HCN3: variants seen among roughly 807,000 people sequenced by gnomAD.
HCN3 encodes the protein potassium/sodium hyperpolarization-activated cyclic nucleotide-gated channel 3.
In HCN3, 36 loss-of-function variants were observed where a neutral mutation model predicts 56.8. The observed-to-expected ratio is 0.63, with a 90% CI of 0.49 to 0.84. The LOEUF is 0.84. Ranked by LOEUF, HCN3 falls within the 40% of genes least tolerant of loss-of-function variation. HCN3 has a pLI of 0.00. For synonymous variants in HCN3, 425 were observed against 439.7 expected (o/e 0.97, Z 0.42); for missense variants, 930 against 1,079.3 (o/e 0.86, Z 1.94).
rs1674193732 is a variant in HCN3, at chr1:155,284,395, C to A, written c.871-144C>A. 3.9e-6 allele frequency: 4 copies of A among 1,014,378 alleles called. No homozygotes were observed. Among genetic ancestry groups the A allele is most frequent in the Non-Finnish European group, 5.6e-6 (4 of 712,172 alleles). The allele number at this position is 1,014,378 out of a possible 1,614,324, so 62.8% of individuals were successfully genotyped here. ...AGAGGACCCTTTTGCCTCAGGGCCC[C>A]CCAGAACCAAACTTAAGTGCCTGCC... On this transcript the variant is annotated intron_variant, in intron 3 of 7. Transcript: ENST00000368358. This position sits in a 1 kb window ranked among gnomAD's most constrained non-coding sequence, Gnocchi z 4.3.
chr1:155,280,894 A>G (rs1243386831), intron 1 of HCN3, among the ~76,000 whole-genome samples: 1 of 150,646 alleles, frequency 6.6e-6, no homozygotes. Context: ...AGCTGGGATC[A>G]CAGGCATGTG....
At position 155,282,997 on chromosome 1, in the gene HCN3, C is replaced by G. The variant is rs1302206336; in HGVS notation, c.708+157C>G. Among the ~76,000 whole-genome samples the G allele has an allele frequency of 1.3e-5, 2 of 151,836 alleles. No individual in the cohort carries two copies. The highest frequency in any genetic ancestry group is 1.9e-4 in the East Asian group (1 of 5,188). ...TGGGTGGGGCTTCCGTGCGTGAGCT[C>G]TCTCCAAAACTGGTGGGGGAGAAGC... On this transcript the variant is annotated intron_variant, in intron 2 of 7. Coordinates refer to ENST00000368358, the MANE Select transcript of HCN3 (RefSeq NM_020897.3). This position sits in a 1 kb window ranked among gnomAD's most constrained non-coding sequence, Gnocchi z 4.7.
Position 155,277,778 on chromosome 1 carries a change from G to C in HCN3, c.188G>C (p.Arg63Pro). 1 of 1,611,190 alleles carries C rather than the reference G, an allele frequency of 6.2e-7. No homozygotes were observed. Among genetic ancestry groups the C allele is most frequent in the Non-Finnish European group, 8.5e-7 (1 of 1,179,228 alleles). Residue 63 changes from arginine to proline, a missense_variant, in exon 1 of 8, where the codon CGG becomes CCG. Transcript: ENST00000368358. ...CCTACGGTCAACAAGTTCTCCCTTCGGGTGTTCGGCAGCCACAAAGCAGTG... is the reference window on the plus strand; with the variant it reads ...CCTACGGTCAACAAGTTCTCCCTTCCGGTGTTCGGCAGCCACAAAGCAGTG... ...LQPTVNKFSL[R>P]VFGSHKAVEI...
Position 155,285,988 on chromosome 1 carries a change from G to T in HCN3, c.1477+24G>T. ...GGGTCAGCAGGCCTCAGGGAGGGTG[G>T]CAGGGTCACGAGCAGACAGTGGAGA... On this transcript the variant is annotated intron_variant, in intron 6 of 7. Coordinates refer to ENST00000368358, the MANE Select transcript of HCN3 (RefSeq NM_020897.3). The surrounding 1 kb of genome is among the most constrained non-coding windows in gnomAD (Gnocchi z 4.5). The T allele has an allele frequency of 6.4e-7, 1 of 1,556,372 alleles. No homozygotes were observed.
chr1:155,283,905 G>A, intron 2 of HCN3, 69 bp from the exon 3 acceptor site: 1 of 1,542,484 alleles, frequency 6.5e-7, no homozygotes, highest in South Asian at 1.2e-5. Context: ...GAATTTGCCA[G>A]GCTGGGAATG....
rs1674358962 is a variant in HCN3, at chr1:155,287,897, G to A, written c.1759G>A (p.Gly587Ser). The change falls in exon 8 of 8, where the codon GGT becomes AGT. Residue 587 changes from glycine to serine, a missense_variant. Coordinates refer to ENST00000368358, the MANE Select transcript of HCN3 (RefSeq NM_020897.3). ...HDRDMARGVR[G>S]RAPSTGAQLS... is the part of the protein sequence containing the mutation. Reference sequence around the variant, plus strand: ...CAGAGACATGGCTCGGGGTGTTCGGGGTCGGGCCCCGAGCACAGGAGCTCA... The same window carrying A: ...CAGAGACATGGCTCGGGGTGTTCGGAGTCGGGCCCCGAGCACAGGAGCTCA... 6.2e-7 allele frequency: 1 copy of A among 1,613,858 alleles called. No individual in the cohort carries two copies. The highest frequency in any genetic ancestry group is 8.5e-7 in the Non-Finnish European group (1 of 1,180,018).
chr1:155,288,336 G>A lies in HCN3; in HGVS notation c.2198G>A (p.Gly733Glu). 2 of 1,613,934 alleles carry A rather than the reference G, an allele frequency of 1.2e-6. No homozygotes were observed. The highest frequency in any genetic ancestry group is 1.7e-6 in the Non-Finnish European group (2 of 1,180,016). ...GGCGATGGCTCTCCTGGGCGTAAGGGATCAGGAAGTGAGCGGCTGCCTCCC... is the reference window on the plus strand; with the variant it reads ...GGCGATGGCTCTCCTGGGCGTAAGGAATCAGGAAGTGAGCGGCTGCCTCCC... Reference protein sequence around the residue: ...ATGDGSPGRKGSGSERLPPSG... With the variant: ...ATGDGSPGRKESGSERLPPSG... Residue 733 changes from glycine to glutamate, a missense_variant, in exon 8 of 8, where the codon GGA becomes GAA. Physicochemically the swap from Gly to Glu is moderately conservative, Grantham distance 98. Transcript: ENST00000368358. The surrounding 1 kb of genome is among the most constrained non-coding windows in gnomAD (Gnocchi z 6.5).
Position 155,282,386 on chromosome 1 carries a change from A to G in HCN3, c.279-25A>G. ...GCTGGTGAAATATCCTCATGGTCTT[A>G]CTCCTCATCTCACTCCCACCTTAGG... is the stretch of plus-strand genomic sequence containing the variant. On this transcript the variant is annotated intron_variant, in intron 1 of 7. Coordinates refer to ENST00000368358, the MANE Select transcript of HCN3 (RefSeq NM_020897.3). This position sits in a 1 kb window ranked among gnomAD's most constrained non-coding sequence, Gnocchi z 4.7. 1.2e-6 allele frequency: 2 copies of G among 1,608,056 alleles called. No homozygotes were observed. Among genetic ancestry groups the G allele is most frequent in the Non-Finnish European group, 1.7e-6 (2 of 1,176,248 alleles).
chr1:155,285,636 G>T lies in HCN3; in HGVS notation c.1237-88G>T. 1.3e-6 allele frequency: 2 copies of T among 1,535,542 alleles called. No individual in the cohort carries two copies. The highest frequency in any genetic ancestry group is 4.5e-5 in the East Asian group (2 of 44,104). ...CATCCTTTGGCAGAACATGACCCCA[G>T]GGGTGGGGTTTCTGGAAGCGGATGA... On this transcript the variant is annotated intron_variant, in intron 5 of 7. Transcript: ENST00000368358. The surrounding 1 kb of genome is among the most constrained non-coding windows in gnomAD (Gnocchi z 4.5).
At position 155,286,388 on chromosome 1, in the gene HCN3, G is replaced by T. The variant is rs200721240; in HGVS notation, c.1477+424G>T. On this transcript the variant is annotated intron_variant, in intron 6 of 7. Transcript: ENST00000368358. ...TCTCGATCTCCTGACCTCGTGATCC[G>T]CCCGCCTCAGCCTCCCAAAGTGCTG... Among the ~76,000 whole-genome samples, 10 of 152,170 alleles carry T rather than the reference G, an allele frequency of 6.6e-5. No individual in the cohort carries two copies. The East Asian group carries it at 1.9e-3, about 29-fold the overall frequency.
chr1:155,286,741 T>C (rs1472450035), intron 6 of HCN3, among the ~76,000 whole-genome samples: 1 of 151,428 alleles, frequency 6.6e-6, no homozygotes, highest in Non-Finnish European at 1.5e-5. Flanking sequence ...ACTCCCATCA[T>C]GTTGCACTTT....
At chr1:155,286,536 A>G (rs1286280836) in intron 6 of HCN3, among the ~76,000 whole-genome samples, 1 of 152,146 alleles carries the variant, frequency 6.6e-6, no homozygotes, top group Non-Finnish European at 1.5e-5. Context: ...GAACCCTTAG[A>G]CAGTGAAATC....
In HCN3 at chr1:155,284,017, T is replaced by C; in HGVS notation, c.752T>C (p.Ile251Thr). The change falls in exon 3 of 8, where the codon ATC becomes ACC. Residue 251 changes from isoleucine (I) to threonine (T), a missense_variant. Coordinates refer to ENST00000368358, the MANE Select transcript of HCN3 (RefSeq NM_020897.3). This position sits in a 1 kb window ranked among gnomAD's most constrained non-coding sequence, Gnocchi z 4.3. ...TYDLASAVVR[I>T]FNLIGMMLLL... Reference sequence around the variant, plus strand: ...GACCTGGCCAGTGCTGTGGTTCGCATCTTCAACCTCATTGGGATGATGCTG... The same window carrying C: ...GACCTGGCCAGTGCTGTGGTTCGCACCTTCAACCTCATTGGGATGATGCTG... The C allele has an allele frequency of 6.2e-7, 1 of 1,614,138 alleles. No homozygotes were observed. Among genetic ancestry groups the C allele is most frequent in the East Asian group, 2.2e-5 (1 of 44,880 alleles).
At position 155,282,489 on chromosome 1, in the gene HCN3, G is replaced by C. The variant is rs775743272; in HGVS notation, c.357G>C (p.Lys119Asn). The change falls in exon 2 of 8, where the codon AAG becomes AAC. Residue 119 changes from lysine (K) to asparagine (N), a missense_variant. Transcript: ENST00000368358. The surrounding 1 kb of genome is among the most constrained non-coding windows in gnomAD (Gnocchi z 4.7). Reference protein sequence around the residue: ...IVLPVGITFFKEENSPPWIVF... With the variant: ...IVLPVGITFFNEENSPPWIVF... ...TGCCTGTGGGCATCACCTTCTTCAA[G>C]GAGGAGAACTCCCCGCCTTGGATCG... is the stretch of plus-strand genomic sequence containing the variant. 8 of 1,614,110 alleles carry C rather than the reference G, an allele frequency of 5.0e-6. No homozygotes were observed. The highest frequency in any genetic ancestry group is 3.3e-5 in the Admixed American group (2 of 60,002).
rs775720143 is a variant in HCN3, at chr1:155,287,964, C to A, written c.1826C>A (p.Ala609Glu). 1 of 1,613,968 alleles carries A rather than the reference C, an allele frequency of 6.2e-7. No individual in the cohort carries two copies. The highest frequency in any genetic ancestry group is 8.5e-7 in the Non-Finnish European group (1 of 1,180,018). ...GTACTGTGGGAGCCACTGGTACATGCGCCCCTTCAGGCAGCTGCTGTGACC... is the reference window on the plus strand; with the variant it reads ...GTACTGTGGGAGCCACTGGTACATGAGCCCCTTCAGGCAGCTGCTGTGACC... ...KPVLWEPLVH[A>E]PLQAAAVTSN... is the part of the protein sequence containing the mutation. The change falls in exon 8 of 8, where the codon GCG (alanine) becomes GAG (glutamate). Residue 609 changes from alanine to glutamate, a missense_variant. Coordinates refer to ENST00000368358, the MANE Select transcript of HCN3 (RefSeq NM_020897.3).
Position 155,284,030 on chromosome 1 carries a change from T to C in HCN3, c.765T>C (p.Ile255=). The change falls in exon 3 of 8, where the codon ATT becomes ATC. Residue 255 remains isoleucine, a synonymous_variant. Transcript: ENST00000368358. This position sits in a 1 kb window ranked among gnomAD's most constrained non-coding sequence, Gnocchi z 4.3. ...CTGTGGTTCGCATCTTCAACCTCAT[T>C]GGGATGATGCTGCTGCTATGTCACT... The part of the protein sequence containing the change: ...ASAVVRIFNL[I]GMMLLLCHWD... 1 of 1,614,064 alleles carries C rather than the reference T, an allele frequency of 6.2e-7. No individual in the cohort carries two copies. The highest frequency in any genetic ancestry group is 8.5e-7 in the Non-Finnish European group (1 of 1,179,996).
rs761444748 is a variant in HCN3 at position 155,288,020 on chromosome 1, C to T, written c.1882C>T (p.Arg628Trp). Residue 628 changes from arginine to tryptophan, a missense_variant, in exon 8 of 8, where the codon CGG becomes TGG. Arg to Trp is a moderately radical substitution (Grantham distance 101). Coordinates refer to ENST00000368358, the MANE Select transcript of HCN3 (RefSeq NM_020897.3). The surrounding 1 kb of genome is among the most constrained non-coding windows in gnomAD (Gnocchi z 6.5). The part of the protein sequence containing the change: ...SNVAIALTHQ[R>W]GPLPLSPDSP... ...TGTGGCCATTGCCCTGACTCATCAG[C>T]GGGGCCCTCTGCCCCTCTCCCCTGA... is the stretch of plus-strand genomic sequence containing the variant. 2.4e-5 allele frequency: 39 copies of T among 1,613,838 alleles called. No individual in the cohort carries two copies. The Admixed American group carries it at 5.3e-4, about 22-fold the overall frequency.
At position 155,284,013 on chromosome 1, in the gene HCN3, C is replaced by G; in HGVS notation, c.748C>G (p.Arg250Gly). The change falls in exon 3 of 8, where the codon CGC (arginine) becomes GGC (glycine). Residue 250 changes from arginine to glycine, a missense_variant. Arg to Gly is a moderately radical substitution (Grantham distance 125). Coordinates refer to ENST00000368358, the MANE Select transcript of HCN3 (RefSeq NM_020897.3). The surrounding 1 kb of genome is among the most constrained non-coding windows in gnomAD (Gnocchi z 4.3). ...CTATGACCTGGCCAGTGCTGTGGTT[C>G]GCATCTTCAACCTCATTGGGATGAT... is the stretch of plus-strand genomic sequence containing the variant. ...MTYDLASAVV[R>G]IFNLIGMMLL... 3 of 1,614,110 alleles carry G rather than the reference C, an allele frequency of 1.9e-6. No homozygotes were observed. The highest frequency in any genetic ancestry group is 1.1e-5 in the South Asian group (1 of 91,086).
rs1674179198 is a variant in HCN3 at position 155,284,097 on chromosome 1, T to A, written c.832T>A (p.Phe278Ile). The change falls in exon 3 of 8, where the codon TTC becomes ATC. Residue 278 changes from phenylalanine (F) to isoleucine (I), a missense_variant. Physicochemically the swap from Phe to Ile is conservative, Grantham distance 21 (BLOSUM62 0). Coordinates refer to ENST00000368358, the MANE Select transcript of HCN3 (RefSeq NM_020897.3). The surrounding 1 kb of genome is among the most constrained non-coding windows in gnomAD (Gnocchi z 4.3). Reference protein sequence around the residue: ...LQFLVPMLQDFPPDCWVSINH... With the variant: ...LQFLVPMLQDIPPDCWVSINH... ...GTTCCTGGTGCCCATGCTGCAGGAC[T>A]TCCCTCCCGACTGCTGGGTCTCCAT... 1.2e-6 allele frequency: 2 copies of A among 1,614,172 alleles called. No homozygotes were observed. The highest frequency in any genetic ancestry group is 1.7e-6 in the Non-Finnish European group (2 of 1,180,004).
Sources: gnomAD v4.1 joint callset for allele counts (sites outside exome capture counted in the v4.1 genomes callset) on GRCh38, gnomAD v4.1.1 for gene constraint, Gnocchi (gnomAD v3.1) non-coding constraint, MANE v1.5 for transcripts, NCBI Gene and HGNC (gene_info 2026-07-23, HGNC 2026-07-21) for gene names.